MARCHF1: variants seen among roughly 807,000 people sequenced by gnomAD.
The protein encoded by MARCHF1 is membrane associated ring-CH-type finger 1.
A neutral mutation model predicts 54.2 loss-of-function variants in MARCHF1; 40 were observed. The observed-to-expected ratio is 0.74, with a 90% confidence interval of 0.57 to 0.96. MARCHF1 has a LOEUF of 0.96. Ranked by LOEUF, MARCHF1 falls within the 40% of genes least tolerant of loss-of-function variation. The probability of loss-of-function intolerance (pLI) is 0.00; values close to 1 mark genes in which losing one functional copy is unlikely to be tolerated. For synonymous variants in MARCHF1, 236 were observed against 236.3 expected (o/e 1.00, Z 0.01); for missense variants, 586 against 656.5 (o/e 0.89, Z 1.17).
intron 1 of MARCHF1, among the ~76,000 whole-genome samples, chr4:164,228,128 G>A (rs1163240244): frequency 6.6e-6 from 1 of 152,160 alleles, no homozygotes; most frequent in African/African-American, 2.4e-5. Flanking sequence ...TGATGATACT[G>A]ACGATGTTGG....
intron 4 of MARCHF1, among the ~76,000 whole-genome samples, chr4:163,838,731 A>G (rs2111123222): frequency 6.6e-6 from 1 of 152,222 alleles, no homozygotes; most frequent in East Asian, 1.9e-4. Context: ...TCTCTACTTC[A>G]CACCATGCAC....
intron 1 of MARCHF1, among the ~76,000 whole-genome samples, chr4:164,285,540 T>A (rs376493690): frequency 6.6e-6 from 1 of 152,006 alleles, no homozygotes. Flanking sequence ...CCTCCCGAGT[T>A]CACGCCATTT....
intron 3 of MARCHF1, among the ~76,000 whole-genome samples, chr4:163,948,558 G>A (rs959608530): frequency 1.4e-4 from 21 of 152,154 alleles, no homozygotes; most frequent in African/African-American, 4.6e-4. Flanking sequence ...AAGACTGATC[G>A]AGGATAGGTT....
intron 1 of MARCHF1, among the ~76,000 whole-genome samples, chr4:164,138,755 T>C (rs1475806171): frequency 6.6e-6 from 1 of 152,178 alleles, no homozygotes; most frequent in East Asian, 1.9e-4. Context: ...CAGAGTGATA[T>C]TAAGTGATAG....
chr4:163,549,708 TA>T (rs1739036406), intron 8 of MARCHF1, among the ~76,000 whole-genome samples: 2 of 150,098 alleles, frequency 1.3e-5, no homozygotes, highest in African/African-American at 4.9e-5. Context: ...CAGAAGCCAC[TA>T]AACAATAGAA....
chr4:163,700,525 GAAA>G, intron 5 of MARCHF1, among the ~76,000 whole-genome samples: 1 of 132,372 alleles, frequency 7.6e-6, no homozygotes, highest in South Asian at 2.7e-4. Flanking sequence ...TAGAAAGAAA[GAAA>G]GAAGGAAGGA....
chr4:164,224,808 T>C (rs1038046867), intron 1 of MARCHF1, among the ~76,000 whole-genome samples: 1 of 152,082 alleles, frequency 6.6e-6, no homozygotes, highest in East Asian at 1.9e-4. Flanking sequence ...TAAAGTTATA[T>C]GCATACTATT....
intron 3 of MARCHF1, among the ~76,000 whole-genome samples, chr4:163,883,117 G>A (rs910522792): frequency 3.9e-5 from 6 of 152,152 alleles, no homozygotes; most frequent in South Asian, 2.1e-4. Flanking sequence ...TCAGATGCAC[G>A]GGAGTTGCTC....
intron 3 of MARCHF1, among the ~76,000 whole-genome samples, chr4:163,920,623 T>C (rs747874809): frequency 9.9e-5 from 15 of 152,190 alleles, no homozygotes; most frequent in Non-Finnish European, 2.2e-4. Context: ...CTGTGCGCTA[T>C]GCTCTCAGTA....
intron 4 of MARCHF1, among the ~76,000 whole-genome samples, chr4:163,819,029 T>C (rs1431482083): frequency 6.6e-6 from 1 of 152,152 alleles, no homozygotes. Flanking sequence ...TTCATCTTAA[T>C]GATCCATCAT....
chr4:163,688,665 T>C (rs1452252039), intron 5 of MARCHF1, among the ~76,000 whole-genome samples: 1 of 152,176 alleles, frequency 6.6e-6, no homozygotes, highest in Non-Finnish European at 1.5e-5. Context: ...AGAACAACTT[T>C]TCTTGCACGG....
intron 1 of MARCHF1, among the ~76,000 whole-genome samples, chr4:164,128,496 A>G (rs1481814004): frequency 1.3e-5 from 2 of 152,082 alleles, no homozygotes; most frequent in Non-Finnish European, 2.9e-5. Flanking sequence ...AAGAAGATAC[A>G]CAAATGACCC....
intron 2 of MARCHF1, among the ~76,000 whole-genome samples, chr4:164,000,711 C>T (rs1048370870): frequency 1.3e-5 from 2 of 151,582 alleles, no homozygotes; most frequent in Admixed American, 6.6e-5. Flanking sequence ...TGGATAATAG[C>T]TATACTTGGT....
chr4:164,019,535 A>G (rs1043108402), intron 2 of MARCHF1, among the ~76,000 whole-genome samples: 22 of 152,334 alleles, frequency 1.4e-4, no homozygotes, highest in African/African-American at 4.8e-4. Context: ...GTGACAAAGT[A>G]GCATCACAAT....
chr4:163,537,262 A>G (rs754739602), intron 9 of MARCHF1, among the ~76,000 whole-genome samples: 8 of 152,182 alleles, frequency 5.3e-5, no homozygotes, highest in African/African-American at 9.7e-5. Context: ...ATTGAGACAC[A>G]GCCAATTGTC....
At chr4:163,768,493 C>CA (rs1210117857) in intron 4 of MARCHF1, among the ~76,000 whole-genome samples, 2 of 151,846 alleles carry the variant, frequency 1.3e-5, no homozygotes, top group Non-Finnish European at 2.9e-5. Context: ...TGGGGAAAAA[C>CA]AAAAAAAGTT....
At chr4:163,644,974 C>T (rs754997803) in intron 5 of MARCHF1, among the ~76,000 whole-genome samples, 2 of 152,132 alleles carry the variant, frequency 1.3e-5, no homozygotes, top group Non-Finnish European at 2.9e-5. Context: ...AGCTGTAGAC[C>T]CTGAAGCAGC....
chr4:164,308,599 A>G (rs1051737014), intron 1 of MARCHF1, among the ~76,000 whole-genome samples: 22 of 152,158 alleles, frequency 1.4e-4, no homozygotes, highest in Admixed American at 4.6e-4. Flanking sequence ...TGCTTTTTGT[A>G]AAAAATATCA....
At chr4:163,714,985 A>G (rs926259951) in intron 4 of MARCHF1, among the ~76,000 whole-genome samples, 2 of 152,150 alleles carry the variant, frequency 1.3e-5, no homozygotes, top group African/African-American at 2.4e-5. Context: ...CCCAGCCTAT[A>G]CACTGTTTTA....
Sources: allele counts gnomAD v4.1 joint callset (sites outside exome capture counted in the v4.1 genomes callset), GRCh38; gene constraint gnomAD v4.1.1; transcripts MANE v1.5; gene names NCBI Gene and HGNC (gene_info 2026-07-23, HGNC 2026-07-21).